The following ARHGAP8 variants were observed in gnomAD, a reference collection of about 807,000 sequenced individuals.
ARHGAP8 encodes the protein rho GTPase-activating protein 8.
In ARHGAP8, 62 loss-of-function variants were observed where a neutral mutation model predicts 46.1. That is an observed-to-expected ratio of 1.34 (90% CI 1.10 to 1.66). The LOEUF is 1.66. ARHGAP8 is among the 40% of genes most tolerant of loss of function. The probability of loss-of-function intolerance (pLI) is 0.00; values close to 1 mark genes in which losing one functional copy is unlikely to be tolerated. For synonymous variants in ARHGAP8, 375 were observed against 243.1 expected, an observed-to-expected ratio of 1.54 and a Z score of -5.05; for missense variants, 923 against 568.4, an observed-to-expected ratio of 1.62 and a Z score of -6.34.
At chr22:44,802,193 C>T in intron 3 of ARHGAP8, 29 bp downstream of exon 3, 1 of 1,612,380 alleles carries the variant, frequency 6.2e-7, no homozygotes, top group Non-Finnish European at 8.5e-7. Context: ...CTCTTTCTGT[C>T]CCTGTCTCTC....
intron 1 of ARHGAP8, among the ~76,000 whole-genome samples, chr22:44,764,873 G>T (rs1210446221): frequency 6.6e-6 from 1 of 152,256 alleles, no homozygotes; most frequent in Non-Finnish European, 1.5e-5. Context: ...TGAGAGAGGG[G>T]AGAGGGGCTC....
At chr22:44,782,870 T>C (rs1332017906) in intron 1 of ARHGAP8, among the ~76,000 whole-genome samples, 4 of 152,100 alleles carry the variant, frequency 2.6e-5, no homozygotes, top group African/African-American at 9.7e-5. Context: ...GGGTCGTAGG[T>C]TTGGCTTTCT....
chr22:44,853,354 G>A (rs757379181), intron 10 of ARHGAP8, among the ~76,000 whole-genome samples: 5 of 152,168 alleles, frequency 3.3e-5, no homozygotes, highest in African/African-American at 4.8e-5. Context: ...GTCTTCCAGC[G>A]TCAGCTTTTG....
chr22:44,814,606 G>A, intron 4 of ARHGAP8, 66 bp from the exon 5 acceptor site: 1 of 1,432,808 alleles, frequency 7.0e-7, no homozygotes, highest in Non-Finnish European at 9.7e-7. Flanking sequence ...CTGTTTCAGG[G>A]TTATTGGGCG....
chr22:44,798,007 C>G (rs930424482), intron 2 of ARHGAP8, among the ~76,000 whole-genome samples: 1 of 130,864 alleles, frequency 7.6e-6, no homozygotes, highest in Non-Finnish European at 1.6e-5. Flanking sequence ...GAGACAAAGT[C>G]TCACTCTTGC....
chr22:44,766,392 G>A (rs545370883), intron 1 of ARHGAP8, among the ~76,000 whole-genome samples: 2 of 151,386 alleles, frequency 1.3e-5, no homozygotes, highest in East Asian at 3.9e-4. Context: ...GAGTCAGAGT[G>A]TGTGTGGGCA....
chr22:44,861,878 T>G lies in ARHGAP8; in HGVS notation c.982-397T>G, dbSNP rs933696523. On this transcript the variant is annotated intron_variant, in intron 11 of 11. Coordinates refer to ENST00000356099, the MANE Select transcript of ARHGAP8 (RefSeq NM_181335.3). ...CCTGCCCCTCGTAGTGGCCCCTAGA[T>G]GTGCTGGCTGGTCCCCATCATGCCC... Among the ~76,000 whole-genome samples the G allele has an allele frequency of 8.6e-5, 13 of 152,038 alleles. 1 individual carries two copies. The highest frequency in any genetic ancestry group is 2.9e-5 in the Non-Finnish European group (2 of 68,014).
intron 8 of ARHGAP8, among the ~76,000 whole-genome samples, chr22:44,847,002 C>T (rs1030406556): frequency 5.3e-5 from 8 of 152,166 alleles, no homozygotes; most frequent in Admixed American, 2.6e-4. Context: ...TGAAGGGGCT[C>T]GTGGCTGTGG....
At chr22:44,807,344 G>C (rs570771389) in intron 3 of ARHGAP8, among the ~76,000 whole-genome samples, 1 of 152,330 alleles carries the variant, frequency 6.6e-6, no homozygotes, top group South Asian at 2.1e-4. Context: ...TGCTTGCTAG[G>C]TGCAGCAGGG....
At chr22:44,838,405 G>A (rs1250075804) in intron 7 of ARHGAP8, among the ~76,000 whole-genome samples, 4 of 152,070 alleles carry the variant, frequency 2.6e-5, no homozygotes, top group African/African-American at 4.8e-5. Flanking sequence ...CAAAGTGCTG[G>A]GACTACAGGC....
chr22:44,783,617 A>G (rs1451262680), intron 1 of ARHGAP8, among the ~76,000 whole-genome samples: 1 of 151,956 alleles, frequency 6.6e-6, no homozygotes, highest in Non-Finnish European at 1.5e-5. Context: ...ACCGCACTAG[A>G]ACCGGCATCC....
At chr22:44,758,669 TGTATTTGAGG>T (rs1001599328) in intron 1 of ARHGAP8, among the ~76,000 whole-genome samples, 4 of 128,904 alleles carry the variant, frequency 3.1e-5, no homozygotes, top group African/African-American at 8.9e-5. Context: ...CAGTGGGGGG[TGTATTTGAGG>T]GGCAGCCGGG....
intron 7 of ARHGAP8, among the ~76,000 whole-genome samples, chr22:44,836,573 C>G (rs73892312): frequency 0.079 from 11,375 of 143,510 alleles, 686 homozygotes; most frequent in Middle Eastern, 0.19. Flanking sequence ...AGTAGGTCCT[C>G]AGTGCACAGT....
At position 44,779,173 on chromosome 22, in the gene ARHGAP8, C is replaced by T. The variant is rs997340140; in HGVS notation, c.-71-7284C>T. Among the ~76,000 whole-genome samples the T allele has an allele frequency of 6.7e-5, 10 of 149,338 alleles. No homozygotes were observed. The East Asian group carries it at 1.4e-3, about 21-fold the overall frequency. On this transcript the variant is annotated intron_variant, in intron 1 of 11. Coordinates refer to ENST00000356099, the MANE Select transcript of ARHGAP8 (RefSeq NM_181335.3). ...GGAGTGCAGTGGCGCGATCTTGGCTCACTGCAACCTCCGCCTCTTGGGTTC... is the reference window on the plus strand; with the variant it reads ...GGAGTGCAGTGGCGCGATCTTGGCTTACTGCAACCTCCGCCTCTTGGGTTC...
intron 1 of ARHGAP8, among the ~76,000 whole-genome samples, chr22:44,780,728 A>T (rs192969814): frequency 6.6e-6 from 1 of 152,036 alleles, no homozygotes; most frequent in African/African-American, 2.4e-5. Flanking sequence ...CCCTGCCCTC[A>T]CCCCCACCAC....
chr22:44,778,574 C>T (rs1317121232), intron 1 of ARHGAP8, among the ~76,000 whole-genome samples: 1 of 152,126 alleles, frequency 6.6e-6, no homozygotes, highest in Admixed American at 6.5e-5. Flanking sequence ...AATGGTAGTT[C>T]TACGTTTAGT....
At chr22:44,820,777 C>T (rs747333082) in intron 5 of ARHGAP8, among the ~76,000 whole-genome samples, 33 of 152,166 alleles carry the variant, frequency 2.2e-4, no homozygotes, top group Non-Finnish European at 4.1e-4. Context: ...CCCCCGGGTC[C>T]GATTCTTTCT....
chr22:44,806,776 AACCCC>A (rs906141038), intron 3 of ARHGAP8, among the ~76,000 whole-genome samples: 1 of 151,768 alleles, frequency 6.6e-6, no homozygotes, highest in Admixed American at 6.6e-5. Context: ...AACTCAGTGA[AACCCC>A]GCCTCTACTA....
intron 6 of ARHGAP8, among the ~76,000 whole-genome samples, chr22:44,823,550 G>A (rs1373726536): frequency 1.3e-5 from 2 of 152,094 alleles, no homozygotes; most frequent in African/African-American, 4.8e-5. Flanking sequence ...GCAGAGGAGA[G>A]TGAACTGGAC....
Sources: gnomAD v4.1 joint callset for allele counts (sites outside exome capture counted in the v4.1 genomes callset) on GRCh38, gnomAD v4.1.1 for gene constraint, MANE v1.5 for transcripts, NCBI Gene and HGNC (gene_info 2026-07-23, HGNC 2026-07-21) for gene names.